Variants in STUM observed in about 807,000 individuals in gnomAD.
STUM encodes stum, mechanosensory transduction mediator homolog, also known as protein stum homolog.
Under a neutral mutation model 15.3 loss-of-function variants are expected in STUM, and 8 were observed. The ratio of observed to expected loss-of-function variants is 0.52; its 90% CI spans 0.31 to 0.94. The LOEUF (loss-of-function observed/expected upper bound fraction) is 0.94, where lower values mean the gene tolerates loss of function less well. Ranked by LOEUF, STUM falls within the 40% of genes least tolerant of loss-of-function variation. The pLI is 0.05. For synonymous variants in STUM, 78 were observed against 88.7 expected (o/e 0.88, Z 0.68); for missense variants, 142 against 204.9 (o/e 0.69, Z 1.87).
chr1:226,590,301 G>A (rs1244577159), intron 1 of STUM, among the ~76,000 whole-genome samples: 1 of 152,074 alleles, frequency 6.6e-6, no homozygotes, highest in African/African-American at 2.4e-5. Flanking sequence ...CTCCTGCTCT[G>A]AGCCCTGCCA....
chr1:226,593,833 A>T (rs1261259503), intron 1 of STUM, among the ~76,000 whole-genome samples: 2 of 152,192 alleles, frequency 1.3e-5, no homozygotes, highest in Non-Finnish European at 2.9e-5. Flanking sequence ...CTTGGAGGGC[A>T]GCGGGGAAGC....
At chr1:226,555,322 G>A (rs940885177) in intron 1 of STUM, among the ~76,000 whole-genome samples, 2 of 152,088 alleles carry the variant, frequency 1.3e-5, no homozygotes, top group Non-Finnish European at 2.9e-5. Flanking sequence ...GAACTCTTGA[G>A]TCATATATCC....
intron 1 of STUM, among the ~76,000 whole-genome samples, chr1:226,590,087 TC>T (rs11366807): frequency 0.48 from 72,610 of 151,574 alleles, 17,563 homozygotes; most frequent in Admixed American, 0.54. Context: ...TTGGATCCCT[TC>T]CCCCCACCAT....
chr1:226,553,398 G>A (rs144008413), intron 1 of STUM, among the ~76,000 whole-genome samples: 3 of 152,268 alleles, frequency 2.0e-5, no homozygotes, highest in African/African-American at 7.2e-5. Context: ...TAAAGACAAA[G>A]AGCCATGCAA....
rs34568214 is a variant in STUM, at chr1:226,578,359, CTTTTTTTTTTTT to C, written c.203-18431_203-18420del. Among the ~76,000 whole-genome samples, 8 of 67,282 alleles carry C rather than the reference CTTTTTTTTTTTT, an allele frequency of 1.2e-4. No homozygotes were observed. In the South Asian group the frequency reaches 2.1e-3, roughly 18 times the overall value. 44.1% of individuals were successfully genotyped at this position (67,282 alleles called of 152,430 possible). A position where few individuals can be genotyped will look rare whatever the true frequency, so the allele number is the denominator to read the frequency against. On this transcript the variant is annotated intron_variant, in intron 1 of 3. Coordinates refer to ENST00000366788, the MANE Select transcript of STUM (RefSeq NM_001003665.4). ...CCCACACCACCGCCCCAACCCCCAG[CTTTTTTTTTTTT>C]TTTTTTTTTTTGAGAATGCATCTCT...
At chr1:226,579,637 TTTC>T (rs1667886994) in intron 1 of STUM, among the ~76,000 whole-genome samples, 1 of 73,882 alleles carries the variant, frequency 1.4e-5, no homozygotes, top group African/African-American at 6.7e-5. Flanking sequence ...TCTTTTTCTT[TTTC>T]TTTTTCTTTT....
chr1:226,553,565 C>T (rs1163529805), intron 1 of STUM, among the ~76,000 whole-genome samples: 6 of 151,844 alleles, frequency 4.0e-5, no homozygotes, highest in Non-Finnish European at 8.8e-5. Flanking sequence ...CTTCTATCAA[C>T]AAGAAAAAAG....
In STUM at chr1:226,603,537, C is replaced by T. The variant is rs1151805; in HGVS notation, c.*1497C>T. 87,719 of 152,152 alleles carry T rather than the reference C, an allele frequency of 0.58. 25,623 individuals are homozygous for T. Among genetic ancestry groups the T allele is most frequent in the African/African-American group, 0.65 (27,026 of 41,508 alleles). The allele number at this position is 152,152 out of a possible 1,614,324, so 9.4% of individuals were successfully genotyped here. Reference sequence around the variant, plus strand: ...ACAGTGCCATTGGGCATGTCCCTCTCTGAAGGGCTTGTTTGTCTATCAGAG... The same window carrying T: ...ACAGTGCCATTGGGCATGTCCCTCTTTGAAGGGCTTGTTTGTCTATCAGAG... On this transcript the variant is annotated 3_prime_UTR_variant, in exon 4 of 4. Transcript: ENST00000366788.
chr1:226,603,441 A>G lies in STUM; in HGVS notation c.*1401A>G, dbSNP rs1668304577. The G allele has an allele frequency of 6.6e-6, 1 of 152,196 alleles. No individual in the cohort carries two copies. Among genetic ancestry groups the G allele is most frequent in the South Asian group, 2.1e-4 (1 of 4,826 alleles). 9.4% of individuals were successfully genotyped at this position (152,196 alleles called of 1,614,324 possible). A position where few individuals can be genotyped will look rare whatever the true frequency, so the allele number is the denominator to read the frequency against. Reference sequence around the variant, plus strand: ...TTACATGTCTGTTTCCTTTCCTTTCATTTTCATTCTAACATAGGAAATGCT... The same window carrying G: ...TTACATGTCTGTTTCCTTTCCTTTCGTTTTCATTCTAACATAGGAAATGCT... On this transcript the variant is annotated 3_prime_UTR_variant, in exon 4 of 4. Coordinates refer to ENST00000366788, the MANE Select transcript of STUM (RefSeq NM_001003665.4).
At chr1:226,564,568 C>T (rs1167826585) in intron 1 of STUM, among the ~76,000 whole-genome samples, 2 of 152,166 alleles carry the variant, frequency 1.3e-5, no homozygotes, top group Non-Finnish European at 2.9e-5. Context: ...CAGGCATCTA[C>T]TCTTGGATTA....
intron 1 of STUM, among the ~76,000 whole-genome samples, chr1:226,572,708 T>C (rs369341802): frequency 2.0e-4 from 30 of 152,276 alleles, no homozygotes; most frequent in African/African-American, 7.0e-4. Context: ...CCCCAACCTC[T>C]GGGGAAATGC....
rs2102681934 is a variant in STUM, at chr1:226,549,031, C to G, written c.127C>G (p.Arg43Gly). 1 of 1,584,282 alleles carries G rather than the reference C, an allele frequency of 6.3e-7. No individual in the cohort carries two copies. Among genetic ancestry groups the G allele is most frequent in the Non-Finnish European group, 8.6e-7 (1 of 1,168,168 alleles). The change falls in exon 1 of 4, where the codon CGC becomes GGC. Residue 43 changes from arginine to glycine, a missense_variant. Coordinates refer to ENST00000366788, the MANE Select transcript of STUM (RefSeq NM_001003665.4). The surrounding 1 kb of genome is among the most constrained non-coding windows in gnomAD (Gnocchi z 6.8). ...VQVREKKGPLRAAIPYMPFPV... is the reference protein window; with the variant it reads ...VQVREKKGPLGAAIPYMPFPV... ...GGTCCGCGAGAAGAAGGGCCCCCTG[C>G]GCGCCGCCATCCCCTACATGCCCTT... is the stretch of plus-strand genomic sequence containing the variant.
chr1:226,602,104 G>A lies in STUM; in HGVS notation c.*64G>A. 1 of 1,306,220 alleles carries A rather than the reference G, an allele frequency of 7.7e-7. No individual in the cohort carries two copies. Among genetic ancestry groups the A allele is most frequent in the Non-Finnish European group, 1.1e-6 (1 of 918,000 alleles). The allele number at this position is 1,306,220 out of a possible 1,614,324, so 80.9% of individuals were successfully genotyped here. A position where few individuals can be genotyped will look rare whatever the true frequency, so the allele number is the denominator to read the frequency against. ...TGAGGGCTGCACCAGGCAGCTTTGG[G>A]CACAAGGACCTTTACATGTTCTTTT... On this transcript the variant is annotated 3_prime_UTR_variant, in exon 4 of 4. Transcript: ENST00000366788.
At chr1:226,592,898 C>T (rs1340461878) in intron 1 of STUM, among the ~76,000 whole-genome samples, 1 of 152,138 alleles carries the variant, frequency 6.6e-6, no homozygotes, top group Non-Finnish European at 1.5e-5. Flanking sequence ...TTAAATCCAC[C>T]CTGCCACTTG....
intron 1 of STUM, among the ~76,000 whole-genome samples, chr1:226,568,703 A>G (rs112377132): frequency 0.066 from 9,995 of 152,278 alleles, 845 homozygotes; most frequent in African/African-American, 0.19. Flanking sequence ...GGGGAGGAGC[A>G]GGCATGTCCC....
chr1:226,561,513 G>A (rs367756916), intron 1 of STUM, among the ~76,000 whole-genome samples: 1 of 152,134 alleles, frequency 6.6e-6, no homozygotes, highest in African/African-American at 2.4e-5. Context: ...GGAGGAACTG[G>A]AACAGAGGAG....
intron 1 of STUM, among the ~76,000 whole-genome samples, chr1:226,571,552 T>A (rs986560689): frequency 4.0e-5 from 6 of 148,258 alleles, no homozygotes; most frequent in African/African-American, 1.3e-4. Context: ...AAGATGCAAA[T>A]TTTTTTTTTG....
At position 226,602,388 on chromosome 1, in the gene STUM, G is replaced by C. The variant is rs963871451; in HGVS notation, c.*348G>C. ...CCGCAAAGGCACGCCACGTCTGCTGGGCCGGGCCACACCGGGCCCTGTCTG... is the reference window on the plus strand; with the variant it reads ...CCGCAAAGGCACGCCACGTCTGCTGCGCCGGGCCACACCGGGCCCTGTCTG... On this transcript the variant is annotated 3_prime_UTR_variant, in exon 4 of 4. Transcript: ENST00000366788. The C allele has an allele frequency of 6.5e-6, 2 of 308,234 alleles. No individual in the cohort carries two copies. The allele number at this position is 308,234 out of a possible 1,614,324, so 19.1% of individuals were successfully genotyped here.
intron 1 of STUM, among the ~76,000 whole-genome samples, chr1:226,579,700 T>G (rs1191965735): frequency 1.3e-5 from 2 of 151,124 alleles, no homozygotes; most frequent in African/African-American, 4.9e-5. Context: ...GCAATCATAG[T>G]TCACTGCAGC....
Sources: gnomAD v4.1 joint callset for allele counts (sites outside exome capture counted in the v4.1 genomes callset) on GRCh38, gnomAD v4.1.1 for gene constraint, Gnocchi (gnomAD v3.1) non-coding constraint, MANE v1.5 for transcripts, NCBI Gene and HGNC (gene_info 2026-07-23, HGNC 2026-07-21) for gene names.